The following ALX4 variants were observed in gnomAD, a reference collection of about 807,000 sequenced individuals.
ALX4 encodes the protein ALX homeobox 4.
Under a neutral mutation model 40.6 loss-of-function variants are expected in ALX4, and 22 were observed. The ratio of observed to expected loss-of-function variants is 0.54; its 90% confidence interval spans 0.39 to 0.77. The LOEUF (loss-of-function observed/expected upper bound fraction) is 0.77. ALX4 is among the 30% of genes least tolerant of loss of function. ALX4 has a pLI of 0.00. For missense variants in ALX4, 556 were observed against 564.8 expected, an observed-to-expected ratio of 0.98 and a Z score of 0.16; for synonymous variants, 266 against 240.5, an observed-to-expected ratio of 1.11 and a Z score of -0.98.
chr11:44,302,061 AGG>A (rs1216255362), intron 1 of ALX4, among the ~76,000 whole-genome samples: 1 of 152,122 alleles, frequency 6.6e-6, no homozygotes, highest in Non-Finnish European at 1.5e-5. Context: ...AGCCATGACC[AGG>A]GGCAGGAAGG....
intron 2 of ALX4, 112 bp downstream of exon 2, chr11:44,275,236 G>A: frequency 8.8e-7 from 1 of 1,142,564 alleles, no homozygotes; most frequent in Admixed American, 1.8e-5. Context: ...ATGAACTGAG[G>A]AAAGGAAAGC....
chr11:44,309,257 T>G (rs887640521), intron 1 of ALX4, among the ~76,000 whole-genome samples: 2 of 133,724 alleles, frequency 1.5e-5, no homozygotes, highest in Admixed American at 1.5e-4. Context: ...GGAGACTCCT[T>G]GCCGCCGCAC....
At chr11:44,290,455 ACAC>A (rs1485702816) in intron 1 of ALX4, among the ~76,000 whole-genome samples, 4 of 152,208 alleles carry the variant, frequency 2.6e-5, no homozygotes, top group African/African-American at 9.7e-5. Flanking sequence ...GCCCAGTAAA[ACAC>A]AGTCCCTTCC....
chr11:44,307,721 G>T (rs189697854), intron 1 of ALX4, among the ~76,000 whole-genome samples: 17 of 152,340 alleles, frequency 1.1e-4, no homozygotes, highest in Admixed American at 5.2e-4. Flanking sequence ...TCCCTGGGCT[G>T]GGAAGGACAG....
At position 44,297,961 on chromosome 11, in the gene ALX4, G is replaced by A. The variant is rs563410803; in HGVS notation, c.466+11636C>T. On this transcript the variant is annotated intron_variant, in intron 1 of 3. Transcript: ENST00000652299. ...CACTTCGAATGTCCATGCTCAGGAA[G>A]CCCCAATCCATTCACCTTCCCTGGG... Among the ~76,000 whole-genome samples, 4 of 152,294 alleles carry A rather than the reference G, an allele frequency of 2.6e-5. No homozygotes were observed. The South Asian group carries it at 8.3e-4, about 32-fold the overall frequency.
chr11:44,305,225 T>C (rs1326321386), intron 1 of ALX4, among the ~76,000 whole-genome samples: 2 of 152,226 alleles, frequency 1.3e-5, no homozygotes, highest in Non-Finnish European at 2.9e-5. Flanking sequence ...CACTTCACTA[T>C]ATGTAAATTA....
At chr11:44,273,529 C>A (rs1335287918) in intron 2 of ALX4, among the ~76,000 whole-genome samples, 1 of 152,132 alleles carries the variant, frequency 6.6e-6, no homozygotes, top group Non-Finnish European at 1.5e-5. Flanking sequence ...TGATGCTCTG[C>A]GTTTGGCTTT....
At position 44,261,645 on chromosome 11, in the gene ALX4, C is replaced by T. The variant is rs928114759; in HGVS notation, c.*3209G>A. 17 of 152,318 alleles carry T rather than the reference C, an allele frequency of 1.1e-4. No individual in the cohort carries two copies. The highest frequency in any genetic ancestry group is 3.4e-4 in the African/African-American group (14 of 41,568). 9.4% of individuals were successfully genotyped at this position (152,318 alleles called of 1,614,324 possible). The stretch of plus-strand genomic sequence containing the variant: ...TGGCATCTGGAGGGCAGTAGCAGCA[C>T]CTTAGTGTCAAGCCTTGCCATGCTG... On this transcript the variant is annotated 3_prime_UTR_variant, in exon 4 of 4. Transcript: ENST00000652299.
chr11:44,270,349 G>A (rs1217856763), intron 2 of ALX4, among the ~76,000 whole-genome samples: 3 of 152,052 alleles, frequency 2.0e-5, no homozygotes, highest in Non-Finnish European at 2.9e-5. Context: ...GGTGAGAGGC[G>A]GGTGAGCGAC....
intron 1 of ALX4, among the ~76,000 whole-genome samples, chr11:44,278,522 CA>C (rs902454786): frequency 1.3e-5 from 2 of 152,220 alleles, no homozygotes; most frequent in Admixed American, 1.3e-4. Flanking sequence ...AGCACTGAGC[CA>C]GCTCTTGGCC....
intron 1 of ALX4, among the ~76,000 whole-genome samples, chr11:44,283,321 AT>A (rs1180719496): frequency 3.9e-5 from 6 of 152,202 alleles, no homozygotes; most frequent in African/African-American, 1.4e-4. Context: ...AAAATACAAA[AT>A]TGTGTTCATA....
chr11:44,304,223 G>A (rs935598757), intron 1 of ALX4, among the ~76,000 whole-genome samples: 2 of 152,240 alleles, frequency 1.3e-5, no homozygotes, highest in African/African-American at 4.8e-5. Flanking sequence ...CTGATGGCCG[G>A]AGAACCCTGC....
rs908789064 is a variant in ALX4, at chr11:44,264,651, C to A, written c.*203G>T. 14 of 627,670 alleles carry A rather than the reference C, an allele frequency of 2.2e-5. No homozygotes were observed. Among genetic ancestry groups the A allele is most frequent in the Non-Finnish European group, 3.3e-5 (12 of 363,148 alleles). 38.9% of individuals were successfully genotyped at this position (627,670 alleles called of 1,614,324 possible). The stretch of plus-strand genomic sequence containing the variant: ...GGGAGCAGGGGTCAGGGCCTCAGTG[C>A]CAGGGAGGGGCCAGGGGCCTGCTGC... On this transcript the variant is annotated 3_prime_UTR_variant, in exon 4 of 4. Transcript: ENST00000652299.
chr11:44,303,168 G>T (rs938164376), intron 1 of ALX4, among the ~76,000 whole-genome samples: 30 of 152,172 alleles, frequency 2.0e-4, no homozygotes, highest in African/African-American at 7.0e-4. Flanking sequence ...CAGTTGTTCT[G>T]CTCTGACCTG....
chr11:44,283,540 A>G (rs1304806505), intron 1 of ALX4, among the ~76,000 whole-genome samples: 3 of 152,206 alleles, frequency 2.0e-5, no homozygotes, highest in African/African-American at 4.8e-5. Context: ...TAAATGGAAG[A>G]TCCTTCCTGA....
chr11:44,292,293 C>T (rs1956374015), intron 1 of ALX4, among the ~76,000 whole-genome samples: 1 of 151,740 alleles, frequency 6.6e-6, no homozygotes, highest in Non-Finnish European at 1.5e-5. Flanking sequence ...GCAGCCTCAA[C>T]CTCCTGGGCT....
In ALX4 at chr11:44,286,638, C is replaced by T. The variant is rs372182176; in HGVS notation, c.467-10980G>A. Among the ~76,000 whole-genome samples the T allele has an allele frequency of 1.2e-3, 185 of 152,314 alleles. 1 individual carries two copies. The highest frequency in any genetic ancestry group is 4.4e-3 in the African/African-American group (181 of 41,564). ...CTCAAGCAGTAATTCAGCCCTACTACGCGTCTGCCACCATTCCAGCACTAC... is the reference window on the plus strand; with the variant it reads ...CTCAAGCAGTAATTCAGCCCTACTATGCGTCTGCCACCATTCCAGCACTAC... On this transcript the variant is annotated intron_variant, in intron 1 of 3. Transcript: ENST00000652299.
intron 1 of ALX4, among the ~76,000 whole-genome samples, chr11:44,278,450 T>TG (rs1048567927): frequency 1.3e-5 from 2 of 152,112 alleles, no homozygotes; most frequent in African/African-American, 4.8e-5. Context: ...GTCCATCTTG[T>TG]GGGGGGCAGG....
At chr11:44,270,807 C>T (rs1956241990) in intron 2 of ALX4, among the ~76,000 whole-genome samples, 1 of 152,252 alleles carries the variant, frequency 6.6e-6, no homozygotes, top group Non-Finnish European at 1.5e-5. Flanking sequence ...CAGGCCTCTC[C>T]CGAGGACCGG....
Sources: gnomAD v4.1 joint callset for allele counts (sites outside exome capture counted in the v4.1 genomes callset) on GRCh38, gnomAD v4.1.1 for gene constraint, MANE v1.5 for transcripts, NCBI Gene and HGNC (gene_info 2026-07-23, HGNC 2026-07-21) for gene names.